AP3B1: variants seen among roughly 807,000 people sequenced by gnomAD.
The protein encoded by AP3B1 is AP-3 complex subunit beta-1.
A neutral mutation model predicts 132.5 loss-of-function variants in AP3B1; 61 were observed. That is an observed-to-expected ratio of 0.46 (90% CI 0.37 to 0.57). The LOEUF (loss-of-function observed/expected upper bound fraction) is 0.57, where lower values mean the gene tolerates loss of function less well. AP3B1 is among the 20% of genes least tolerant of loss of function. AP3B1 has a pLI of 0.00. For synonymous variants in AP3B1, 388 were observed against 438.3 expected, an observed-to-expected ratio of 0.89 and a Z score of 1.43; for missense variants, 1,120 against 1,289.4, an observed-to-expected ratio of 0.87 and a Z score of 2.01.
intron 26 of AP3B1, among the ~76,000 whole-genome samples, chr5:78,014,022 G>A (rs1198872445): frequency 1.3e-5 from 2 of 152,134 alleles, no homozygotes; most frequent in African/African-American, 2.4e-5. Flanking sequence ...AATTAGCCGG[G>A]CGTGGTGCCG....
At chr5:78,072,712 C>CTTTTTTTTTTTTT (rs34203981) in intron 22 of AP3B1, among the ~76,000 whole-genome samples, 1 of 68,264 alleles carries the variant, frequency 1.5e-5, no homozygotes, top group Non-Finnish European at 2.4e-5. Flanking sequence ...CTGATATATT[C>CTTTTTTTTTTTTT]TTTTTTTTTT....
intron 6 of AP3B1, among the ~76,000 whole-genome samples, chr5:78,223,027 C>CTCTTTTTTTTTTTTTT (rs66493022): frequency 0.017 from 2,182 of 127,284 alleles, 145 homozygotes; most frequent in Non-Finnish European, 0.025. Context: ...TTGTTTGTTT[C>CTCTTTTTTTTTTTTTT]TTTTTTTTTT....
Position 78,059,145 on chromosome 5 carries a change from A to C in AP3B1, c.2578-19871T>G, listed in dbSNP as rs57765830. On this transcript the variant is annotated intron_variant, in intron 22 of 26. Coordinates refer to ENST00000255194, the MANE Select transcript of AP3B1 (RefSeq NM_003664.5). ...ATCACACAGATCCTGTAAGTGAATG[A>C]GAGAGGCAGGAGATTCAGTGTCAGA... is the stretch of plus-strand genomic sequence containing the variant. 1.5e-3 allele frequency among the ~76,000 whole-genome samples: 235 copies of C among 152,362 alleles called. 6 individuals are homozygous for C. In the East Asian group the frequency reaches 0.043, roughly 28 times the overall value.
At chr5:78,058,257 T>C (rs1355140568) in intron 22 of AP3B1, among the ~76,000 whole-genome samples, 2 of 152,154 alleles carry the variant, frequency 1.3e-5, no homozygotes, top group Non-Finnish European at 2.9e-5. Context: ...ATCCCAGCAC[T>C]TTGGGAGGCC....
At chr5:78,178,723 T>G (rs1340855381) in intron 8 of AP3B1, among the ~76,000 whole-genome samples, 3 of 152,176 alleles carry the variant, frequency 2.0e-5, no homozygotes, top group Non-Finnish European at 4.4e-5. Context: ...GAGTGACAAC[T>G]GCAGAGACAT....
intron 22 of AP3B1, among the ~76,000 whole-genome samples, chr5:78,051,514 G>A (rs1748584535): frequency 6.6e-6 from 1 of 151,904 alleles, no homozygotes; most frequent in Admixed American, 6.6e-5. Flanking sequence ...AATGAGATTC[G>A]AAAAATAAAA....
chr5:78,193,518 C>T (rs1283168850), intron 7 of AP3B1, among the ~76,000 whole-genome samples: 1 of 151,452 alleles, frequency 6.6e-6, no homozygotes. Context: ...GGTATACTAA[C>T]CATACTTCAT....
At chr5:78,090,289 A>C (rs555962115) in intron 21 of AP3B1, among the ~76,000 whole-genome samples, 3 of 152,346 alleles carry the variant, frequency 2.0e-5, no homozygotes, top group Admixed American at 2.0e-4. Flanking sequence ...TGACTAAATA[A>C]ATGCATTTTA....
intron 11 of AP3B1, among the ~76,000 whole-genome samples, chr5:78,174,449 G>C (rs1420009322): frequency 2.6e-5 from 4 of 152,212 alleles, no homozygotes; most frequent in African/African-American, 9.7e-5. Context: ...AGGTTCGTCA[G>C]CTGCAGGTCT....
Position 78,162,888 on chromosome 5 carries a change from C to A in AP3B1, c.1294G>T (p.Ala432Ser). ...TCAGTGACTTCCAAGATGTTGGTTG[C>A]ACATCTGCCTATAGTCTGAATAGTG... is the stretch of plus-strand genomic sequence containing the variant. The part of the protein sequence containing the change: ...AATIQTIGRC[A>S]TNILEVTDTC... Residue 432 changes from alanine (A) to serine (S), a missense_variant, in exon 13 of 27, where the codon GCA becomes TCA. Coordinates refer to ENST00000255194, the MANE Select transcript of AP3B1 (RefSeq NM_003664.5). 1 of 1,613,518 alleles carries A rather than the reference C, an allele frequency of 6.2e-7. No individual in the cohort carries two copies. Among genetic ancestry groups the A allele is most frequent in the African/African-American group, 1.3e-5 (1 of 75,010 alleles).
intron 21 of AP3B1, among the ~76,000 whole-genome samples, chr5:78,097,236 G>C (rs1447110242): frequency 6.7e-5 from 7 of 104,954 alleles, no homozygotes; most frequent in African/African-American, 1.3e-4. Context: ...GGAGGGAGGT[G>C]GGGGGGTCAG....
chr5:78,065,200 A>G (rs1441666446), intron 22 of AP3B1, among the ~76,000 whole-genome samples: 1 of 152,192 alleles, frequency 6.6e-6, no homozygotes, highest in Non-Finnish European at 1.5e-5. Flanking sequence ...CGCAGATCAG[A>G]AGATCCCCTC....
At chr5:78,168,376 A>G (rs1303764114) in intron 11 of AP3B1, among the ~76,000 whole-genome samples, 6 of 151,860 alleles carry the variant, frequency 4.0e-5, no homozygotes, top group African/African-American at 1.5e-4. Flanking sequence ...GGTGCATACC[A>G]CCAAGCTCAG....
intron 3 of AP3B1, among the ~76,000 whole-genome samples, chr5:78,240,284 T>C (rs560289147): frequency 1.3e-5 from 2 of 152,370 alleles, no homozygotes; most frequent in African/African-American, 2.4e-5. Flanking sequence ...CCAGGCTTTT[T>C]CAATTAATTT....
At chr5:78,262,212 C>T (rs374887362) in intron 2 of AP3B1, among the ~76,000 whole-genome samples, 46 of 152,266 alleles carry the variant, frequency 3.0e-4, no homozygotes, top group African/African-American at 1.1e-3. Flanking sequence ...CTATGATGCA[C>T]ACAAGTTTTA....
intron 11 of AP3B1, among the ~76,000 whole-genome samples, chr5:78,166,570 T>A (rs1367754786): frequency 4.0e-5 from 6 of 151,814 alleles, no homozygotes; most frequent in Admixed American, 2.0e-4. Context: ...TGAAAAAAAA[T>A]TTTTACTAAT....
chr5:78,294,316 C>T lies in AP3B1; in HGVS notation c.128+136G>A. 2 of 1,288,720 alleles carry T rather than the reference C, an allele frequency of 1.6e-6. 1 individual carries two copies. Among genetic ancestry groups the T allele is most frequent in the South Asian group, 2.6e-5 (2 of 76,212 alleles). 79.8% of individuals were successfully genotyped at this position (1,288,720 alleles called of 1,614,324 possible). On this transcript the variant is annotated intron_variant, in intron 1 of 26. Transcript: ENST00000255194. ...CCAACCAACCCCACCTACCCACCCG[C>T]GGGACACGTTACCGCCCTGCCCTGC...
At chr5:78,036,811 T>G (rs913398549) in intron 23 of AP3B1, among the ~76,000 whole-genome samples, 2 of 152,204 alleles carry the variant, frequency 1.3e-5, no homozygotes, top group Non-Finnish European at 2.9e-5. Context: ...TTACCTCCCT[T>G]ATTTTACTAA....
intron 26 of AP3B1, among the ~76,000 whole-genome samples, chr5:78,004,814 C>T (rs1746324130): frequency 6.6e-6 from 1 of 152,120 alleles, no homozygotes; most frequent in Non-Finnish European, 1.5e-5. Context: ...TGTAAGTAAC[C>T]AGTTTAGGAA....
Sources: gnomAD v4.1 joint callset for allele counts (sites outside exome capture counted in the v4.1 genomes callset) on GRCh38, gnomAD v4.1.1 for gene constraint, MANE v1.5 for transcripts, NCBI Gene and HGNC (gene_info 2026-07-23, HGNC 2026-07-21) for gene names.